Variants in PTPRT observed in about 807,000 individuals in gnomAD.
PTPRT encodes the protein protein tyrosine phosphatase receptor type T.
Under a neutral mutation model 176.8 loss-of-function variants are expected in PTPRT, and 56 were observed. The observed-to-expected ratio is 0.32, with a 90% CI of 0.26 to 0.40. The LOEUF is 0.40. Among genes scored for constraint, PTPRT ranks in the 10% least tolerant of loss-of-function variants. The pLI is 1.00. For missense variants in PTPRT, 1,540 were observed against 1,908.2 expected (o/e 0.81, Z 3.60); for synonymous variants, 783 against 739.0 (o/e 1.06, Z -0.96).
chr20:42,226,834 C>T (rs2056023650), intron 15 of PTPRT, among the ~76,000 whole-genome samples: 1 of 152,086 alleles, frequency 6.6e-6, no homozygotes, highest in Non-Finnish European at 1.5e-5. Context: ...TCAGCTCCCC[C>T]AAGCAGGAGC....
chr20:42,525,331 G>A (rs1437980059), intron 7 of PTPRT, among the ~76,000 whole-genome samples: 2 of 152,040 alleles, frequency 1.3e-5, no homozygotes, highest in South Asian at 2.1e-4. Flanking sequence ...TCCATATTTG[G>A]TCATTCACTG....
At chr20:43,103,422 T>C (rs2012471707) in intron 1 of PTPRT, among the ~76,000 whole-genome samples, 1 of 152,158 alleles carries the variant, frequency 6.6e-6, no homozygotes, top group South Asian at 2.1e-4. Context: ...AACGTGGTGT[T>C]ACAAGAGATG....
intron 1 of PTPRT, among the ~76,000 whole-genome samples, chr20:42,995,351 T>C (rs1383475196): frequency 6.6e-6 from 1 of 152,158 alleles, no homozygotes; most frequent in Non-Finnish European, 1.5e-5. Flanking sequence ...AGAGGGCATA[T>C]TGAAAGCATT....
Position 42,212,859 on chromosome 20 carries a change from C to T in PTPRT, c.2343-13471G>A, listed in dbSNP as rs1272483210. ...ATATGAATACTTTGAAGTGGATGCC[C>T]TGGATAATGACTTTTCTTTAAAAAC... is the stretch of plus-strand genomic sequence containing the variant. On this transcript the variant is annotated intron_variant, in intron 15 of 30. Coordinates refer to ENST00000373187, the MANE Select transcript of PTPRT (RefSeq NM_007050.6). Among the ~76,000 whole-genome samples the T allele has an allele frequency of 9.2e-5, 14 of 152,218 alleles. No individual in the cohort carries two copies. In the South Asian group the frequency reaches 2.7e-3, roughly 29 times the overall value.
chr20:42,892,151 G>A (rs1452034776), intron 1 of PTPRT, among the ~76,000 whole-genome samples: 1 of 152,174 alleles, frequency 6.6e-6, no homozygotes, highest in Non-Finnish European at 1.5e-5. Flanking sequence ...TACCCAGCGA[G>A]GGAAAAACAA....
chr20:42,706,046 G>A (rs2076050064), intron 6 of PTPRT, among the ~76,000 whole-genome samples: 1 of 152,020 alleles, frequency 6.6e-6, no homozygotes, highest in Non-Finnish European at 1.5e-5. Context: ...AAGCTCCTCA[G>A]CTGGCTTCTG....
intron 17 of PTPRT, among the ~76,000 whole-genome samples, chr20:42,156,244 A>G (rs1989345512): frequency 6.6e-6 from 1 of 151,920 alleles, no homozygotes. Context: ...ATAGCTCTGG[A>G]TATACCTCTA....
intron 1 of PTPRT, among the ~76,000 whole-genome samples, chr20:42,920,057 A>G (rs1442113214): frequency 2.0e-5 from 3 of 152,194 alleles, no homozygotes; most frequent in Non-Finnish European, 4.4e-5. Context: ...TGCATTTTGA[A>G]TGTCCTAGAT....
chr20:42,751,250 G>C (rs1426775416), intron 6 of PTPRT, among the ~76,000 whole-genome samples: 1 of 152,172 alleles, frequency 6.6e-6, no homozygotes, highest in Non-Finnish European at 1.5e-5. Flanking sequence ...GAAGGGCCCA[G>C]TGACCTCCCA....
the PTPRT span, among the ~76,000 whole-genome samples, chr20:42,046,692 C>T: frequency 3.9e-5 from 6 of 152,132 alleles, no homozygotes; most frequent in Non-Finnish European, 7.3e-5. Flanking sequence ...TAATTAGGAC[C>T]TGTATTGACT....
intron 1 of PTPRT, among the ~76,000 whole-genome samples, chr20:43,089,772 C>A (rs921521557): frequency 2.6e-5 from 4 of 152,182 alleles, no homozygotes; most frequent in South Asian, 2.1e-4. Flanking sequence ...TGGCCTCCCC[C>A]AGTCTACTCA....
chr20:42,095,651 C>T (rs887217177), intron 27 of PTPRT, among the ~76,000 whole-genome samples: 1 of 152,322 alleles, frequency 6.6e-6, no homozygotes, highest in Non-Finnish European at 1.5e-5. Flanking sequence ...TCCAAACACT[C>T]GTGTCAGCCT....
intron 7 of PTPRT, among the ~76,000 whole-genome samples, chr20:42,541,545 ATACTAGTAAATAAGTATT>A (rs2072580606): frequency 2.3e-3 from 3 of 1,304 alleles, no homozygotes; most frequent in African/African-American, 7.1e-3. Context: ...GTAAATACTA[ATACTAGTAAATAAGTATT>A]TACTAGTAAA....
intron 9 of PTPRT, among the ~76,000 whole-genome samples, chr20:42,414,891 C>G (rs2059051025): frequency 6.6e-6 from 1 of 152,130 alleles, no homozygotes; most frequent in Admixed American, 6.5e-5. Flanking sequence ...TCCCACTTAT[C>G]TGGAAAAATA....
At position 42,466,151 on chromosome 20, in the gene PTPRT, T is replaced by C. The variant is rs62204861; in HGVS notation, c.1450+6115A>G. On this transcript the variant is annotated intron_variant, in intron 8 of 30. Transcript: ENST00000373187. Reference sequence around the variant, plus strand: ...AATACCACATTTTCTTTATCCAGTCTATCATTGATGGCCATTTGGGTTGAC... The same window carrying C: ...AATACCACATTTTCTTTATCCAGTCCATCATTGATGGCCATTTGGGTTGAC... Among the ~76,000 whole-genome samples the C allele has an allele frequency of 8.5e-3, 1,297 of 152,344 alleles. 11 individuals carry two copies. The highest frequency in any genetic ancestry group is 0.014 in the Middle Eastern group (4 of 294).
chr20:43,091,422 CTCTCTCTCTCTCTCTCTGTATT>C (rs1387970762), intron 1 of PTPRT, among the ~76,000 whole-genome samples: 2 of 148,642 alleles, frequency 1.3e-5, no homozygotes, highest in East Asian at 2.0e-4. Flanking sequence ...TTTCTAGAGT[CTCTCTCTCTCTCTCTCTGTATT>C]TCTCTCTCTC....
chr20:42,277,248 T>C (rs2057055076), intron 13 of PTPRT, among the ~76,000 whole-genome samples: 1 of 152,198 alleles, frequency 6.6e-6, no homozygotes, highest in South Asian at 2.1e-4. Flanking sequence ...ACTGTGGCTG[T>C]CTTCTGCAAA....
the PTPRT span, among the ~76,000 whole-genome samples, chr20:42,056,235 C>T: frequency 1.3e-5 from 2 of 152,192 alleles, no homozygotes; most frequent in Admixed American, 6.5e-5. Context: ...AATCCACACT[C>T]AGAGAACAAG....
chr20:43,120,630 G>A (rs2013225453), intron 1 of PTPRT, among the ~76,000 whole-genome samples: 1 of 152,134 alleles, frequency 6.6e-6, no homozygotes, highest in African/African-American at 2.4e-5. Context: ...CTTCTGTACT[G>A]GAGGAAGACA....
Sources: allele counts gnomAD v4.1 joint callset (sites outside exome capture counted in the v4.1 genomes callset), GRCh38; gene constraint gnomAD v4.1.1; transcripts MANE v1.5; gene names NCBI Gene and HGNC (gene_info 2026-07-23, HGNC 2026-07-21).